LSAMP: variants seen among roughly 807,000 people sequenced by gnomAD.
LSAMP encodes limbic system-associated membrane protein.
A neutral mutation model predicts 38.6 loss-of-function variants in LSAMP; 7 were observed. That is an observed-to-expected ratio of 0.18 (90% confidence interval 0.10 to 0.34). The LOEUF (loss-of-function observed/expected upper bound fraction) is 0.34. Ranked by LOEUF, LSAMP falls within the 10% of genes least tolerant of loss-of-function variation. LSAMP has a pLI of 1.00. For missense variants in LSAMP, 313 were observed against 420.0 expected (o/e 0.75, Z 2.23); for synonymous variants, 154 against 166.8 (o/e 0.92, Z 0.59).
chr3:115,904,989 A>G lies in LSAMP; in HGVS notation c.515-52372T>C, dbSNP rs568717560. On this transcript the variant is annotated intron_variant, in intron 3 of 6. Coordinates refer to ENST00000490035, the MANE Select transcript of LSAMP (RefSeq NM_002338.5). ...CTTATTATAACAGTTTGTTTTCCTCATGATGTTTTAAACTCCTTGAAGAAT... is the reference window on the plus strand; with the variant it reads ...CTTATTATAACAGTTTGTTTTCCTCGTGATGTTTTAAACTCCTTGAAGAAT... Among the ~76,000 whole-genome samples the G allele has an allele frequency of 3.3e-5, 5 of 152,146 alleles. No homozygotes were observed. The East Asian group carries it at 9.7e-4, about 29-fold the overall frequency.
intron 3 of LSAMP, among the ~76,000 whole-genome samples, chr3:115,888,966 C>T (rs1936525495): frequency 6.6e-6 from 1 of 151,872 alleles, no homozygotes; most frequent in Admixed American, 6.6e-5. Context: ...CAGGGGTAGG[C>T]TCTTTCTTCA....
chr3:115,923,323 T>C (rs2107526635), intron 3 of LSAMP, among the ~76,000 whole-genome samples: 1 of 152,332 alleles, frequency 6.6e-6, no homozygotes, highest in South Asian at 2.1e-4. Flanking sequence ...CTGAGTTGTG[T>C]TGGCTTGTGG....
chr3:116,313,751 T>G (rs1423756752), intron 1 of LSAMP, among the ~76,000 whole-genome samples: 1 of 152,176 alleles, frequency 6.6e-6, no homozygotes, highest in Non-Finnish European at 1.5e-5. Context: ...GTCAGGTGTT[T>G]GAGACCAGCC....
intron 1 of LSAMP, among the ~76,000 whole-genome samples, chr3:116,093,191 C>T (rs1010452177): frequency 1.7e-4 from 26 of 152,172 alleles, no homozygotes; most frequent in Admixed American, 6.5e-5. Flanking sequence ...CCCTAGATGA[C>T]ACTGACAATA....
chr3:115,821,083 C>G (rs1934220485), intron 6 of LSAMP, among the ~76,000 whole-genome samples: 1 of 152,176 alleles, frequency 6.6e-6, no homozygotes, highest in Non-Finnish European at 1.5e-5. Context: ...ATCTCTTGCT[C>G]TTATCTCTCA....
chr3:115,846,446 A>G (rs768598782), intron 4 of LSAMP, among the ~76,000 whole-genome samples: 2 of 152,232 alleles, frequency 1.3e-5, no homozygotes, highest in Non-Finnish European at 2.9e-5. Flanking sequence ...ATATTAGTAT[A>G]AAAGAATAAT....
chr3:116,337,988 G>C (rs1428154093), intron 1 of LSAMP, among the ~76,000 whole-genome samples: 1 of 152,000 alleles, frequency 6.6e-6, no homozygotes, highest in Non-Finnish European at 1.5e-5. Flanking sequence ...ACACCCAAGA[G>C]GATAGAAAGG....
chr3:116,397,646 C>A lies in LSAMP; in HGVS notation c.155+47231G>T, dbSNP rs186782417. Among the ~76,000 whole-genome samples, 370 of 152,132 alleles carry A rather than the reference C, an allele frequency of 2.4e-3. 1 individual carries two copies. Among genetic ancestry groups the A allele is most frequent in the Non-Finnish European group, 2.1e-3 (141 of 68,018 alleles). On this transcript the variant is annotated intron_variant, in intron 1 of 6. Coordinates refer to ENST00000490035, the MANE Select transcript of LSAMP (RefSeq NM_002338.5). ...TGCTCAATAATTATTTCAACGAATG[C>A]ACAAATGAAGAAATGAACAGCCTGG... is the stretch of plus-strand genomic sequence containing the variant.
intron 1 of LSAMP, among the ~76,000 whole-genome samples, chr3:116,199,560 A>G (rs973900576): frequency 4.6e-5 from 7 of 152,210 alleles, no homozygotes; most frequent in African/African-American, 7.2e-5. Flanking sequence ...CTTAGCACCT[A>G]GTCTGCTAGG....
intron 1 of LSAMP, among the ~76,000 whole-genome samples, chr3:116,389,515 A>G (rs1483998229): frequency 2.6e-5 from 4 of 152,166 alleles, no homozygotes; most frequent in Admixed American, 1.3e-4. Context: ...CCCTCTAATA[A>G]TAACAAAACA....
intron 1 of LSAMP, among the ~76,000 whole-genome samples, chr3:116,230,469 C>T (rs376054499): frequency 7.5e-4 from 114 of 152,184 alleles, no homozygotes; most frequent in African/African-American, 2.4e-3. Flanking sequence ...TTTCAAAATT[C>T]GATTTCTTGG....
chr3:115,880,405 T>G (rs1220959817), intron 3 of LSAMP, among the ~76,000 whole-genome samples: 1 of 152,180 alleles, frequency 6.6e-6, no homozygotes, highest in African/African-American at 2.4e-5. Flanking sequence ...AATTCTTAAA[T>G]TTTGTTTTGC....
Position 116,265,399 on chromosome 3 carries a change from A to G in LSAMP, c.156-178843T>C, listed in dbSNP as rs938503694. ...GTTCTATCATAGCAGATTTACATCT[A>G]TCTTTTTGACAATGTAGTAACTTTT... On this transcript the variant is annotated intron_variant, in intron 1 of 6. Coordinates refer to ENST00000490035, the MANE Select transcript of LSAMP (RefSeq NM_002338.5). Among the ~76,000 whole-genome samples, 4 of 152,188 alleles carry G rather than the reference A, an allele frequency of 2.6e-5. No individual in the cohort carries two copies. In the East Asian group the frequency reaches 7.7e-4, roughly 29 times the overall value.
chr3:115,834,613 T>A, intron 6 of LSAMP: 1 of 1,220,378 alleles, frequency 8.2e-7, no homozygotes, highest in African/African-American at 1.6e-5. Flanking sequence ...GGGGAAAAAA[T>A]AGTAATCATC....
intron 1 of LSAMP, among the ~76,000 whole-genome samples, chr3:116,111,747 G>A (rs1708621317): frequency 6.6e-6 from 1 of 152,036 alleles, no homozygotes; most frequent in East Asian, 1.9e-4. Context: ...ATTTAATTTG[G>A]CTAATGACAC....
At chr3:116,008,814 G>A (rs2107672116) in intron 3 of LSAMP, among the ~76,000 whole-genome samples, 1 of 152,232 alleles carries the variant, frequency 6.6e-6, no homozygotes, top group South Asian at 2.1e-4. Context: ...CGAATACTAA[G>A]GACAGCAGCT....
At chr3:116,351,505 T>C (rs780521766) in intron 1 of LSAMP, among the ~76,000 whole-genome samples, 33 of 152,182 alleles carry the variant, frequency 2.2e-4, no homozygotes, top group African/African-American at 7.7e-4. Context: ...TATTCACATA[T>C]GTACCCATAC....
intron 3 of LSAMP, among the ~76,000 whole-genome samples, chr3:115,913,457 G>C (rs1052174787): frequency 5.3e-5 from 8 of 152,164 alleles, no homozygotes; most frequent in African/African-American, 4.8e-5. Flanking sequence ...TGCACCACAG[G>C]GTAGAGACTT....
chr3:115,825,818 A>G (rs1269608967), intron 6 of LSAMP, among the ~76,000 whole-genome samples: 1 of 152,216 alleles, frequency 6.6e-6, no homozygotes, highest in Non-Finnish European at 1.5e-5. Context: ...CTAGAAATGT[A>G]GAAATCTTTG....
Sources: gnomAD v4.1 joint callset for allele counts (sites outside exome capture counted in the v4.1 genomes callset) on GRCh38, gnomAD v4.1.1 for gene constraint, MANE v1.5 for transcripts, NCBI Gene and HGNC (gene_info 2026-07-23, HGNC 2026-07-21) for gene names.